EXOG: variants seen among roughly 807,000 people sequenced by gnomAD.
The protein encoded by EXOG is exo/endonuclease G, also known as nuclease EXOG, mitochondrial.
EXOG carries 27 observed loss-of-function variants against 25.8 expected under a neutral mutation model. The observed-to-expected ratio is 1.05, with a 90% CI of 0.77 to 1.45. The LOEUF (loss-of-function observed/expected upper bound fraction) is 1.45. Ranked by LOEUF, EXOG falls within the 40% of genes most tolerant of loss-of-function variation. EXOG has a pLI of 0.00. For synonymous variants in EXOG, 133 were observed against 167.0 expected (o/e 0.80, Z 1.57); for missense variants, 458 against 450.5 (o/e 1.02, Z -0.15).
chr3:38,500,841 T>C (rs1044679794), intron 2 of EXOG, among the ~76,000 whole-genome samples: 3 of 152,216 alleles, frequency 2.0e-5, no homozygotes, highest in Non-Finnish European at 2.9e-5. Flanking sequence ...GTTTATTTTG[T>C]CATGGTTCGA....
At chr3:38,519,202 A>G (rs573536070) in intron 5 of EXOG, 1 of 152,324 alleles carries the variant, frequency 6.6e-6, no homozygotes, top group East Asian at 1.9e-4. Flanking sequence ...CGTAGCAGTG[A>G]TTTTATCAGA....
intron 2 of EXOG, among the ~76,000 whole-genome samples, chr3:38,499,461 G>A (rs934532165): frequency 4.6e-5 from 7 of 152,096 alleles, no homozygotes; most frequent in African/African-American, 1.4e-4. Flanking sequence ...TACTTTTGAG[G>A]CAATAAAATA....
intron 5 of EXOG, among the ~76,000 whole-genome samples, chr3:38,507,527 G>A (rs1203145087): frequency 6.6e-6 from 1 of 152,216 alleles, no homozygotes; most frequent in Non-Finnish European, 1.5e-5. Flanking sequence ...AACAACAGGT[G>A]GACGGGTGAG....
intron 4 of EXOG, 94 bp downstream of exon 4, chr3:38,503,785 T>C (rs1476602898): frequency 4.0e-6 from 3 of 758,570 alleles, no homozygotes; most frequent in Non-Finnish European, 6.5e-6. Context: ...TTTCTGTCTT[T>C]GTTTTTCAAA....
intron 2 of EXOG, 54 bp from the exon 3 acceptor site, chr3:38,501,301 C>G (rs923935369): frequency 3.2e-6 from 5 of 1,546,760 alleles, no homozygotes; most frequent in Non-Finnish European, 4.5e-6. Context: ...CTTAGAGAAT[C>G]TTGAGGGACA....
chr3:38,505,638 A>G (rs1050621343), intron 4 of EXOG: 2 of 152,090 alleles, frequency 1.3e-5, no homozygotes, highest in Non-Finnish European at 2.9e-5. Context: ...GAGGACATGC[A>G]TTGTTATCTC....
chr3:38,499,089 G>A, intron 2 of EXOG: 1 of 394,518 alleles, frequency 2.5e-6, no homozygotes, highest in South Asian at 1.9e-5. Flanking sequence ...TTTTTGGTAA[G>A]TTATTCTTTA....
intron 5 of EXOG, among the ~76,000 whole-genome samples, chr3:38,519,983 C>T (rs941819521): frequency 2.6e-5 from 4 of 152,144 alleles, no homozygotes; most frequent in Non-Finnish European, 5.9e-5. Flanking sequence ...GGCGTGGTCT[C>T]TTGATCTGTC....
chr3:38,514,859 C>T (rs2060489571), intron 5 of EXOG, among the ~76,000 whole-genome samples: 1 of 150,958 alleles, frequency 6.6e-6, no homozygotes, highest in Non-Finnish European at 1.5e-5. Context: ...CAGCCTCCAC[C>T]TCCCAGGTTC....
intron 5 of EXOG, chr3:38,523,514 C>T (rs2060787119): frequency 6.3e-6 from 1 of 159,790 alleles, no homozygotes; most frequent in South Asian, 2.0e-4. Flanking sequence ...CAGGCGCCTG[C>T]CACCACACCC....
intron 2 of EXOG, chr3:38,498,740 A>G (rs140025153): frequency 1.6e-4 from 49 of 311,358 alleles, no homozygotes; most frequent in South Asian, 8.5e-4. Context: ...GAGGCCCCCA[A>G]TGTGGACAGG....
Position 38,526,249 on chromosome 3 carries a change from G to T in EXOG, c.*1887G>T. 2 of 984,864 alleles carry T rather than the reference G, an allele frequency of 2.0e-6. No homozygotes were observed. Among genetic ancestry groups the T allele is most frequent in the Non-Finnish European group, 2.4e-6 (2 of 829,426 alleles). The allele number at this position is 984,864 out of a possible 1,614,324, so 61.0% of individuals were successfully genotyped here. On this transcript the variant is annotated 3_prime_UTR_variant, in exon 6 of 6. Transcript: ENST00000287675. Reference sequence around the variant, plus strand: ...GTATTACAAGAAAGATTTTTGTGGTGTGTTTGTTCTAAGAGAAATGCCAAG... The same window carrying T: ...GTATTACAAGAAAGATTTTTGTGGTTTGTTTGTTCTAAGAGAAATGCCAAG...
chr3:38,519,995 C>T (rs2125798888), intron 5 of EXOG, among the ~76,000 whole-genome samples: 1 of 152,278 alleles, frequency 6.6e-6, no homozygotes, highest in East Asian at 1.9e-4. Flanking sequence ...TGATCTGTCC[C>T]TCTAGTTTTA....
chr3:38,508,841 A>G (rs1299493267), intron 5 of EXOG, among the ~76,000 whole-genome samples: 9 of 152,130 alleles, frequency 5.9e-5, no homozygotes, highest in Non-Finnish European at 5.9e-5. Flanking sequence ...GTCCATATGA[A>G]TAGCCCACTT....
chr3:38,511,390 A>T (rs1444257880), intron 5 of EXOG, among the ~76,000 whole-genome samples: 3 of 152,190 alleles, frequency 2.0e-5, no homozygotes. Flanking sequence ...CCTCGGAACC[A>T]TAAAAAAAGG....
At chr3:38,503,794 A>G (rs1183481378) in intron 4 of EXOG, 103 bp downstream of exon 4, 2 of 698,578 alleles carry the variant, frequency 2.9e-6, no homozygotes, top group South Asian at 2.0e-5. Flanking sequence ...TTGTTTTTCA[A>G]AAGCTAAGCC....
chr3:38,496,694 C>T (rs1054794096), intron 1 of EXOG, 164 bp downstream of exon 1: 22 of 1,444,256 alleles, frequency 1.5e-5, no homozygotes, highest in South Asian at 2.9e-5. Flanking sequence ...GCCTCCCTTC[C>T]CCACCTCGCG....
intron 3 of EXOG, among the ~76,000 whole-genome samples, chr3:38,502,814 G>T (rs1340453978): frequency 6.6e-6 from 1 of 151,914 alleles, no homozygotes; most frequent in Non-Finnish European, 1.5e-5. Context: ...TGATTTCCCT[G>T]CCAAAAAGTG....
At position 38,526,269 on chromosome 3, in the gene EXOG, G is replaced by C. The variant is rs2125813454; in HGVS notation, c.*1907G>C. 1.0e-6 allele frequency: 1 copy of C among 983,020 alleles called. No individual in the cohort carries two copies. The highest frequency in any genetic ancestry group is 1.2e-6 in the Non-Finnish European group (1 of 827,778). The allele number at this position is 983,020 out of a possible 1,614,324, so 60.9% of individuals were successfully genotyped here. A position where few individuals can be genotyped will look rare whatever the true frequency, so the allele number is the denominator to read the frequency against. On this transcript the variant is annotated 3_prime_UTR_variant, in exon 6 of 6. Transcript: ENST00000287675. ...GTGGTGTGTTTGTTCTAAGAGAAAT[G>C]CCAAGGCTTTCAGATAAAGATAAGA...
Sources: allele counts gnomAD v4.1 joint callset (sites outside exome capture counted in the v4.1 genomes callset), GRCh38; gene constraint gnomAD v4.1.1; transcripts MANE v1.5; gene names NCBI Gene and HGNC (gene_info 2026-07-23, HGNC 2026-07-21).